Variants in GCNT2 observed in about 807,000 individuals in gnomAD.
The protein encoded by GCNT2 is glucosaminyl (N-acetyl) transferase 2 (I blood group).
Under a neutral mutation model 34.2 loss-of-function variants are expected in GCNT2, and 34 were observed. The ratio of observed to expected loss-of-function variants is 1.00; its 90% CI spans 0.76 to 1.32. The LOEUF (loss-of-function observed/expected upper bound fraction) is 1.32. GCNT2 is among the 40% of genes most tolerant of loss of function. GCNT2 has a pLI of 0.00. For synonymous variants in GCNT2, 212 were observed against 188.0 expected, an observed-to-expected ratio of 1.13 and a Z score of -1.04; for missense variants, 584 against 489.4, an observed-to-expected ratio of 1.19 and a Z score of -1.82.
At chr6:10,577,814 T>TA (rs1461351763) in intron 3 of GCNT2, among the ~76,000 whole-genome samples, 1 of 152,120 alleles carries the variant, frequency 6.6e-6, no homozygotes, top group East Asian at 1.9e-4. Flanking sequence ...GTGCTGGAAT[T>TA]ACAGGCGTGA....
Position 10,586,131 on chromosome 6 carries a change from G to A in GCNT2, c.926-35220G>A. The A allele has an allele frequency of 1.9e-6, 3 of 1,614,174 alleles. No individual in the cohort carries two copies. In the South Asian group the frequency reaches 3.3e-5, roughly 18 times the overall value. ...CAGTGAAAGGTATTTTAGGAAAACT[G>A]CCTGTAATCACGCCTTAGAGAAAAT... On this transcript the variant is annotated intron_variant, in intron 3 of 4. Transcript: ENST00000495262.
chr6:10,540,083 A>AG, intron 3 of GCNT2, among the ~76,000 whole-genome samples: 1 of 151,242 alleles, frequency 6.6e-6, no homozygotes, highest in South Asian at 2.1e-4. Context: ...ATCTCAAAAA[A>AG]AAAGGAAGGA....
At chr6:10,526,565 C>G (rs942632) in intron 1 of GCNT2, among the ~76,000 whole-genome samples, 56,822 of 151,886 alleles carry the variant, frequency 0.37, 11,968 homozygotes, top group South Asian at 0.6. Flanking sequence ...CTTGCATCTT[C>G]CTGCGTTCTT....
intron 3 of GCNT2, among the ~76,000 whole-genome samples, chr6:10,547,077 G>A (rs140223767): frequency 6.6e-6 from 1 of 152,152 alleles, no homozygotes; most frequent in East Asian, 1.9e-4. Context: ...TACTTAACAA[G>A]AATAGTATAA....
rs566799232 is a variant in GCNT2, at chr6:10,622,911, C to T, written c.1018+1468C>T. ...CTGGGATAACAGGTGCATGTCACCACGCTCAGCTAATTTTTGTATTTTTAG... is the reference window on the plus strand; with the variant it reads ...CTGGGATAACAGGTGCATGTCACCATGCTCAGCTAATTTTTGTATTTTTAG... On this transcript the variant is annotated intron_variant, in intron 4 of 4. Transcript: ENST00000495262. 1.6e-4 allele frequency among the ~76,000 whole-genome samples: 24 copies of T among 152,028 alleles called. No homozygotes were observed. In the East Asian group the frequency reaches 2.7e-3, roughly 17 times the overall value.
intron 3 of GCNT2, among the ~76,000 whole-genome samples, chr6:10,604,873 GAAAA>G (rs1554136750): frequency 1.3e-5 from 2 of 148,468 alleles, no homozygotes; most frequent in East Asian, 4.0e-4. Flanking sequence ...AAAAGAAAAA[GAAAA>G]AGAAAGAAAA....
intron 4 of GCNT2, among the ~76,000 whole-genome samples, chr6:10,622,440 C>CGT (rs1766074310): frequency 1.3e-5 from 2 of 151,830 alleles, no homozygotes; most frequent in South Asian, 4.2e-4. Context: ...TCCCTCTGTG[C>CGT]GTGTCTGTGT....
intron 3 of GCNT2, chr6:10,556,276 G>C: frequency 6.7e-7 from 1 of 1,498,490 alleles, no homozygotes. Flanking sequence ...TGGACTCTCG[G>C]GATGAAACGG....
chr6:10,606,403 A>T (rs1765312837), intron 3 of GCNT2, among the ~76,000 whole-genome samples: 2 of 152,314 alleles, frequency 1.3e-5, no homozygotes, highest in South Asian at 4.1e-4. Flanking sequence ...CCCCCTCTTA[A>T]TGGAAAAGCT....
intron 1 of GCNT2, among the ~76,000 whole-genome samples, chr6:10,526,633 G>T (rs946646997): frequency 3.3e-5 from 5 of 152,072 alleles, no homozygotes; most frequent in African/African-American, 7.2e-5. Flanking sequence ...CAAACTCCTG[G>T]CCTCGAGCTC....
chr6:10,565,959 A>G lies in GCNT2; in HGVS notation c.925+36123A>G, dbSNP rs76619672. Among the ~76,000 whole-genome samples, 1,175 of 152,116 alleles carry G rather than the reference A, an allele frequency of 7.7e-3. 21 individuals carry two copies. The highest frequency in any genetic ancestry group is 0.026 in the African/African-American group (1,070 of 41,496). ...AGCTGTGTATGGATTCCCTTCCCCT[A>G]CGGTGTATGGATAGCATCCCAGCAC... On this transcript the variant is annotated intron_variant, in intron 3 of 4. Coordinates refer to ENST00000495262, the MANE Select transcript of GCNT2 (RefSeq NM_145649.5).
chr6:10,586,180 T>C (rs773596182), intron 3 of GCNT2: 27 of 1,614,184 alleles, frequency 1.7e-5, no homozygotes, highest in Non-Finnish European at 2.3e-5. Flanking sequence ...TGGGAAAATA[T>C]ATTACCATCA....
chr6:10,627,906 T>G lies in GCNT2; in HGVS notation c.*1299T>G, dbSNP rs1391916033. 6.6e-6 allele frequency: 1 copy of G among 152,542 alleles called. No homozygotes were observed. The allele number at this position is 152,542 out of a possible 1,614,324, so 9.4% of individuals were successfully genotyped here. ...AGGAGGAGACAGAGGGAGGACCTGT[T>G]GTGTTCCAGCCATTCTGGTATTCCT... On this transcript the variant is annotated 3_prime_UTR_variant, in exon 5 of 5. Coordinates refer to ENST00000495262, the MANE Select transcript of GCNT2 (RefSeq NM_145649.5).
At chr6:10,534,467 G>C (rs942307520) in intron 3 of GCNT2, among the ~76,000 whole-genome samples, 6 of 152,038 alleles carry the variant, frequency 3.9e-5, no homozygotes, top group Non-Finnish European at 7.4e-5. Flanking sequence ...AGTGCTCTCT[G>C]TGTCCCATTC....
chr6:10,532,063 G>C (rs550156663), intron 3 of GCNT2, among the ~76,000 whole-genome samples: 1 of 152,226 alleles, frequency 6.6e-6, no homozygotes, highest in African/African-American at 2.4e-5. Flanking sequence ...AACACATGGA[G>C]CTGGGAATAA....
chr6:10,552,105 A>G (rs1449662106), intron 3 of GCNT2, among the ~76,000 whole-genome samples: 1 of 152,144 alleles, frequency 6.6e-6, no homozygotes, highest in Non-Finnish European at 1.5e-5. Flanking sequence ...GATCTAGACA[A>G]CAATTTCTTT....
At chr6:10,540,083 AAAAG>A (rs542667776) in intron 3 of GCNT2, among the ~76,000 whole-genome samples, 2 of 151,242 alleles carry the variant, frequency 1.3e-5, no homozygotes, top group East Asian at 1.9e-4. Context: ...ATCTCAAAAA[AAAAG>A]GAAGGAAAGG....
chr6:10,619,226 C>A (rs1324207594), intron 3 of GCNT2: 3 of 152,002 alleles, frequency 2.0e-5, no homozygotes, highest in Non-Finnish European at 4.4e-5. Flanking sequence ...CTCTTGTCAC[C>A]CAGGCTGGAA....
intron 4 of GCNT2, among the ~76,000 whole-genome samples, chr6:10,625,853 T>C (rs1766233859): frequency 6.6e-6 from 1 of 152,246 alleles, no homozygotes; most frequent in South Asian, 2.1e-4. Context: ...GAAGTAGGCA[T>C]AGTAAGAGGT....
Sources: gnomAD v4.1 joint callset for allele counts (sites outside exome capture counted in the v4.1 genomes callset) on GRCh38, gnomAD v4.1.1 for gene constraint, MANE v1.5 for transcripts, NCBI Gene and HGNC (gene_info 2026-07-23, HGNC 2026-07-21) for gene names.